Variants in FLT3 observed in about 807,000 individuals in gnomAD.
The protein encoded by FLT3 is receptor-type tyrosine-protein kinase FLT3.
A neutral mutation model predicts 126.6 loss-of-function variants in FLT3; 46 were observed. The ratio of observed to expected loss-of-function variants is 0.36; its 90% confidence interval spans 0.29 to 0.46. FLT3 has a LOEUF of 0.46. Ranked by LOEUF, FLT3 falls within the 20% of genes least tolerant of loss-of-function variation. The pLI, the probability that FLT3 is intolerant of heterozygous loss-of-function variation, is 1.00. For synonymous variants in FLT3, 404 were observed against 434.4 expected, an observed-to-expected ratio of 0.93 and a Z score of 0.87; for missense variants, 1,069 against 1,190.3, an observed-to-expected ratio of 0.90 and a Z score of 1.50.
In FLT3 at chr13:28,033,850, T is replaced by C. The variant is rs371657590; in HGVS notation, c.1942+37A>G. The stretch of plus-strand genomic sequence containing the variant: ...GGTGGGAAACTGTGCCTCCCATTTT[T>C]GTGCATCTTTGTTGCTGTCCTTCCA... On this transcript the variant is annotated intron_variant, in intron 15 of 23. Coordinates refer to ENST00000241453, the MANE Select transcript of FLT3 (RefSeq NM_004119.3). The C allele has an allele frequency of 1.2e-5, 18 of 1,464,374 alleles. No homozygotes were observed. The African/African-American group carries it at 2.1e-4, about 17-fold the overall frequency. 90.7% of individuals were successfully genotyped at this position (1,464,374 alleles called of 1,614,324 possible).
At chr13:28,047,721 AAAAAAAAG>A (rs1285628865) in intron 9 of FLT3, among the ~76,000 whole-genome samples, 22 of 151,906 alleles carry the variant, frequency 1.4e-4, no homozygotes, top group Admixed American at 1.3e-3. Flanking sequence ...CAAAAAAAAA[AAAAAAAAG>A]AAAAAGAAAA....
intron 9 of FLT3, among the ~76,000 whole-genome samples, chr13:28,041,221 G>A (rs1016557960): frequency 2.0e-5 from 3 of 152,142 alleles, no homozygotes; most frequent in African/African-American, 7.2e-5. Context: ...AGAGGCTGGC[G>A]TGGAAGTGGC....
chr13:28,040,589 T>G (rs1228152453), intron 9 of FLT3, among the ~76,000 whole-genome samples: 2 of 152,074 alleles, frequency 1.3e-5, no homozygotes, highest in African/African-American at 2.4e-5. Flanking sequence ...TGAGCCCACG[T>G]TTGTGTGACA....
intron 9 of FLT3, among the ~76,000 whole-genome samples, chr13:28,038,018 T>C (rs546518631): frequency 8.1e-4 from 123 of 152,288 alleles, no homozygotes; most frequent in Non-Finnish European, 1.4e-3. Context: ...CCAAAAACGT[T>C]GGGGACTGCT....
At chr13:28,061,825 A>C (rs766010781) in intron 3 of FLT3, 42 bp downstream of exon 3, 1 of 1,514,076 alleles carries the variant, frequency 6.6e-7, no homozygotes, top group Non-Finnish European at 9.1e-7. Flanking sequence ...CAAAATTCCA[A>C]ATGAACCACA....
intron 15 of FLT3, among the ~76,000 whole-genome samples, chr13:28,031,207 G>A (rs1250205136): frequency 2.0e-5 from 3 of 152,030 alleles, no homozygotes; most frequent in Non-Finnish European, 1.5e-5. Flanking sequence ...CAGCCTGGGC[G>A]ACAGAGTGAG....
intron 17 of FLT3, 69 bp from the exon 18 acceptor site, chr13:28,025,012 T>C: frequency 1.2e-6 from 1 of 861,684 alleles, no homozygotes; most frequent in East Asian, 2.5e-5. Context: ...TTTAAAAATG[T>C]AATTCATCAA....
chr13:28,071,150 G>A (rs1463175235), intron 1 of FLT3, among the ~76,000 whole-genome samples: 1 of 150,030 alleles, frequency 6.7e-6, no homozygotes, highest in African/African-American at 2.5e-5. Context: ...GCCCGTCACC[G>A]TGCCTGGCTA....
At chr13:28,056,187 G>C (rs903851424) in intron 4 of FLT3, among the ~76,000 whole-genome samples, 1 of 152,134 alleles carries the variant, frequency 6.6e-6, no homozygotes, top group South Asian at 2.1e-4. Context: ...GGGCAGTGTG[G>C]TGCAGAAAGC....
rs9579143 is a variant in FLT3, at chr13:28,015,372, C to T, written c.2654-116G>A. The T allele has an allele frequency of 0.34, 272,399 of 794,854 alleles. 50,939 individuals are homozygous for T. The highest frequency in any genetic ancestry group is 0.41 in the Non-Finnish European group (189,380 of 465,738). 49.2% of individuals were successfully genotyped at this position (794,854 alleles called of 1,614,324 possible). On this transcript the variant is annotated intron_variant, in intron 21 of 23. Coordinates refer to ENST00000241453, the MANE Select transcript of FLT3 (RefSeq NM_004119.3). Reference sequence around the variant, plus strand: ...TGTGCCAGACACTGTTGCAGGCACACGGGCTGCGGCTGGGAAAAAGAAGTC... The same window carrying T: ...TGTGCCAGACACTGTTGCAGGCACATGGGCTGCGGCTGGGAAAAAGAAGTC...
chr13:28,091,216 T>TTTTC, intron 1 of FLT3, among the ~76,000 whole-genome samples: 1 of 103,050 alleles, frequency 9.7e-6, no homozygotes, highest in Non-Finnish European at 1.9e-5. Context: ...TCTTTTTTTT[T>TTTTC]TTTTTTTTTT....
intron 2 of FLT3, among the ~76,000 whole-genome samples, chr13:28,069,069 A>C (rs1438338451): frequency 6.6e-6 from 1 of 152,206 alleles, no homozygotes; most frequent in African/African-American, 2.4e-5. Context: ...ATTACTGAGC[A>C]ATCTTGGTAT....
At chr13:28,019,155 C>T (rs1019871475) in intron 19 of FLT3, among the ~76,000 whole-genome samples, 12 of 151,902 alleles carry the variant, frequency 7.9e-5, no homozygotes, top group Admixed American at 6.6e-5. Flanking sequence ...TTAGTAGAGA[C>T]GGCGTTTCGC....
intron 1 of FLT3, among the ~76,000 whole-genome samples, chr13:28,074,787 C>T (rs1333004815): frequency 1.3e-5 from 2 of 152,204 alleles, no homozygotes; most frequent in African/African-American, 2.4e-5. Context: ...ACAACTGGTG[C>T]GCACCACCAT....
At chr13:28,027,974 G>T (rs1280241543) in intron 16 of FLT3, among the ~76,000 whole-genome samples, 1 of 152,172 alleles carries the variant, frequency 6.6e-6, no homozygotes, top group Non-Finnish European at 1.5e-5. Flanking sequence ...TCACGATAAA[G>T]CAGATGAATG....
intron 3 of FLT3, among the ~76,000 whole-genome samples, chr13:28,061,412 A>C (rs1876549460): frequency 1.3e-5 from 2 of 152,072 alleles, no homozygotes; most frequent in Non-Finnish European, 2.9e-5. Context: ...ATATAATGTC[A>C]TGTATTGATG....
Position 28,100,530 on chromosome 13 carries a change from C to T in FLT3, c.-20G>A. On this transcript the variant is annotated 5_prime_UTR_variant, in exon 1 of 24. Transcript: ENST00000241453. This position sits in a 1 kb window ranked among gnomAD's most constrained non-coding sequence, Gnocchi z 4.8. The stretch of plus-strand genomic sequence containing the variant: ...CGGCATGGCCTCCGGAGCCCGGGGT[C>T]CCCAGGCCGCGCCGGCCCAGCCCTG... 1.7e-6 allele frequency: 2 copies of T among 1,211,384 alleles called. No individual in the cohort carries two copies. Among genetic ancestry groups the T allele is most frequent in the Non-Finnish European group, 2.1e-6 (2 of 974,462 alleles). 75.0% of individuals were successfully genotyped at this position (1,211,384 alleles called of 1,614,324 possible).
At position 28,004,191 on chromosome 13, in the gene FLT3, G is replaced by C; in HGVS notation, c.2860-17C>G. 1.2e-6 allele frequency: 2 copies of C among 1,613,484 alleles called. No homozygotes were observed. The highest frequency in any genetic ancestry group is 1.7e-6 in the Non-Finnish European group (2 of 1,179,616). On this transcript the variant is annotated splice_polypyrimidine_tract_variant and intron_variant, in intron 23 of 23. Coordinates refer to ENST00000241453, the MANE Select transcript of FLT3 (RefSeq NM_004119.3). ...CTGATACATCTGAATGTGGGAAAGA[G>C]ACAGAACACTGATTACCATCTGATG...
At chr13:28,062,553 G>T (rs572856449) in intron 2 of FLT3, among the ~76,000 whole-genome samples, 1 of 152,040 alleles carries the variant, frequency 6.6e-6, no homozygotes, top group Non-Finnish European at 1.5e-5. Flanking sequence ...GACCAGCCTG[G>T]CCAACATGGT....
Sources: gnomAD v4.1 joint callset for allele counts (sites outside exome capture counted in the v4.1 genomes callset) on GRCh38, gnomAD v4.1.1 for gene constraint, Gnocchi (gnomAD v3.1) non-coding constraint, MANE v1.5 for transcripts, NCBI Gene and HGNC (gene_info 2026-07-23, HGNC 2026-07-21) for gene names.